CAPS2: variants seen among roughly 807,000 people sequenced by gnomAD.
The protein encoded by CAPS2 is calcyphosin-2.
A neutral mutation model predicts 86.5 loss-of-function variants in CAPS2; 98 were observed. The ratio of observed to expected loss-of-function variants is 1.13; its 90% CI spans 0.96 to 1.34. The LOEUF (loss-of-function observed/expected upper bound fraction) is 1.34. Among genes scored for constraint, CAPS2 ranks in the 40% most tolerant of loss-of-function variants. The pLI, the probability that CAPS2 is intolerant of heterozygous loss-of-function variation, is 0.00. For synonymous variants in CAPS2, 210 were observed against 225.1 expected, an observed-to-expected ratio of 0.93 and a Z score of 0.60; for missense variants, 729 against 686.8, an observed-to-expected ratio of 1.06 and a Z score of -0.69.
chr12:75,318,142 G>A (rs1299976765), intron 5 of CAPS2: 1 of 152,034 alleles, frequency 6.6e-6, no homozygotes, highest in Admixed American at 6.6e-5. Flanking sequence ...TCCTTGTAGA[G>A]TCATTCTCGG....
chr12:75,312,933 A>G lies in CAPS2; in HGVS notation c.592-18T>C, dbSNP rs1482834566. The G allele has an allele frequency of 1.3e-6, 2 of 1,520,972 alleles. No individual in the cohort carries two copies. Among genetic ancestry groups the G allele is most frequent in the African/African-American group, 2.7e-5 (2 of 73,048 alleles). The allele number at this position is 1,520,972 out of a possible 1,614,324, so 94.2% of individuals were successfully genotyped here. On this transcript the variant is annotated intron_variant, in intron 6 of 16. Transcript: ENST00000393284. ...ACAATTTCCTGGGAAGATTAAATAA[A>G]GACAACTTCACCATCCATAAAGCAG...
At chr12:75,296,741 T>C (rs1403270381) in intron 11 of CAPS2, among the ~76,000 whole-genome samples, 1 of 152,020 alleles carries the variant, frequency 6.6e-6, no homozygotes, top group Non-Finnish European at 1.5e-5. Flanking sequence ...CAGCCACATC[T>C]GGAAAACAAA....
At chr12:75,281,481 C>A (rs1207985128) in intron 16 of CAPS2, among the ~76,000 whole-genome samples, 5 of 151,902 alleles carry the variant, frequency 3.3e-5, no homozygotes, top group South Asian at 2.1e-4. Context: ...AACTCCAAAA[C>A]ATACTTGTGA....
chr12:75,342,809 A>G (rs2042204127), intron 1 of CAPS2, among the ~76,000 whole-genome samples: 1 of 152,040 alleles, frequency 6.6e-6, no homozygotes, highest in African/African-American at 2.4e-5. Flanking sequence ...TGAACATTTT[A>G]TATCTCTCCA....
intron 4 of CAPS2, among the ~76,000 whole-genome samples, chr12:75,321,786 G>A (rs923086976): frequency 6.6e-6 from 1 of 152,076 alleles, no homozygotes; most frequent in Non-Finnish European, 1.5e-5. Context: ...CTCGGAATGG[G>A]CACTTACCTT....
chr12:75,338,509 A>AT (rs895120641), intron 1 of CAPS2, among the ~76,000 whole-genome samples: 4 of 151,082 alleles, frequency 2.6e-5, no homozygotes, highest in African/African-American at 9.7e-5. Context: ...CTTTTATTTC[A>AT]TTTTTTTTCC....
chr12:75,355,217 A>G (rs748221574), intron 1 of CAPS2, among the ~76,000 whole-genome samples: 2 of 152,172 alleles, frequency 1.3e-5, no homozygotes, highest in Admixed American at 6.6e-5. Flanking sequence ...AGAAAATTTT[A>G]GCAATCTATC....
At chr12:75,277,582 C>A (rs2033152556) in exon 17 of CAPS2, 1 of 970,698 alleles carries the variant, frequency 1.0e-6, no homozygotes, top group Non-Finnish European at 1.2e-6. Flanking sequence ...CACATATTTT[C>A]CCTCTCATGT....
intron 1 of CAPS2, among the ~76,000 whole-genome samples, chr12:75,385,869 T>C (rs1446785659): frequency 6.6e-6 from 1 of 152,254 alleles, no homozygotes; most frequent in African/African-American, 2.4e-5. Context: ...CACAAACAAA[T>C]ACTTAGTCAT....
chr12:75,328,221 CGAT>C (rs370022283), upstream of CAPS2, among the ~76,000 whole-genome samples: 51 of 152,174 alleles, frequency 3.4e-4, no homozygotes, highest in African/African-American at 1.1e-3. Context: ...ATTGTATTCG[CGAT>C]GATGATTTCT....
At chr12:75,296,401 C>G (rs774403964) in intron 11 of CAPS2, among the ~76,000 whole-genome samples, 1 of 152,088 alleles carries the variant, frequency 6.6e-6, no homozygotes, top group Non-Finnish European at 1.5e-5. Context: ...ACGCCATTCT[C>G]CTGCCTCAGT....
At chr12:75,308,657 C>A (rs2038787103) in intron 7 of CAPS2, among the ~76,000 whole-genome samples, 1 of 151,730 alleles carries the variant, frequency 6.6e-6, no homozygotes, top group South Asian at 2.1e-4. Flanking sequence ...CCTTATGAGG[C>A]AGGAAAATAG....
chr12:75,319,313 T>C (rs2040079923), intron 5 of CAPS2, among the ~76,000 whole-genome samples: 1 of 152,144 alleles, frequency 6.6e-6, no homozygotes, highest in African/African-American at 2.4e-5. Flanking sequence ...CTCTCGTGAA[T>C]AGATCAGTGT....
At chr12:75,329,457 A>T (rs549696559), upstream of CAPS2, among the ~76,000 whole-genome samples, 1 of 145,008 alleles carries the variant, frequency 6.9e-6, no homozygotes, top group Non-Finnish European at 1.5e-5. Flanking sequence ...GCTACCAAAA[A>T]TAACTGAACA....
intron 8 of CAPS2, 122 bp from the exon 9 acceptor site, chr12:75,300,033 G>T (rs1005839741): frequency 2.3e-6 from 1 of 434,620 alleles, no homozygotes; most frequent in African/African-American, 2.1e-5. Flanking sequence ...AACAATAAAG[G>T]TAAAAAAAAA....
chr12:75,316,359 C>T lies in CAPS2; in HGVS notation c.544G>A (p.Ala182Thr), dbSNP rs979040729. Residue 182 changes from alanine (A) to threonine (T), a missense_variant, in exon 6 of 17, where the codon GCA becomes ACA. Transcript: ENST00000393284. ...TGTTGTTTATCGCAAGAGTTGTCTGCATAACCTTGCTGTAAGATGGCTTTC... is the reference window on the plus strand; with the variant it reads ...TGTTGTTTATCGCAAGAGTTGTCTGTATAACCTTGCTGTAAGATGGCTTTC... 4 of 1,550,938 alleles carry T rather than the reference C, an allele frequency of 2.6e-6. No homozygotes were observed. The African/African-American group carries it at 4.1e-5, about 16-fold the overall frequency.
chr12:75,301,938 T>A (rs2037870061), intron 8 of CAPS2, among the ~76,000 whole-genome samples: 1 of 152,202 alleles, frequency 6.6e-6, no homozygotes, highest in Admixed American at 6.5e-5. Flanking sequence ...ATGAATTTAG[T>A]ATTGATAAAG....
At chr12:75,376,792 C>T (rs2044672943) in intron 1 of CAPS2, among the ~76,000 whole-genome samples, 1 of 152,146 alleles carries the variant, frequency 6.6e-6, no homozygotes, top group Non-Finnish European at 1.5e-5. Flanking sequence ...CATTGCAGGT[C>T]AGCCACTCGC....
In CAPS2 at chr12:75,284,881, G is replaced by T; in HGVS notation, c.1515+80C>A. ...TAAATAGATTTAAAACTTTTAAATG[G>T]TAATTCATTAAAGTTTTAAAATACT... On this transcript the variant is annotated intron_variant, in intron 15 of 16. Transcript: ENST00000393284. The T allele has an allele frequency of 6.4e-6, 8 of 1,259,180 alleles. No individual in the cohort carries two copies. The South Asian group carries it at 1.1e-4, about 18-fold the overall frequency. 78.0% of individuals were successfully genotyped at this position (1,259,180 alleles called of 1,614,324 possible). A position where few individuals can be genotyped will look rare whatever the true frequency, so the allele number is the denominator to read the frequency against.
Sources: allele counts gnomAD v4.1 joint callset (sites outside exome capture counted in the v4.1 genomes callset), GRCh38; gene constraint gnomAD v4.1.1; transcripts MANE v1.5; gene names NCBI Gene and HGNC (gene_info 2026-07-23, HGNC 2026-07-21).